ABRAXAS1: variants seen among roughly 807,000 people sequenced by gnomAD.
ABRAXAS1 encodes abraxas 1, BRCA1 A complex subunit, also known as BRCA1-A complex subunit Abraxas 1.
In ABRAXAS1, 26 loss-of-function variants were observed where a neutral mutation model predicts 38.4. The ratio of observed to expected loss-of-function variants is 0.68; its 90% confidence interval spans 0.50 to 0.94. ABRAXAS1 has a LOEUF of 0.94. ABRAXAS1 is among the 40% of genes least tolerant of loss of function. ABRAXAS1 has a pLI of 0.00. For synonymous variants in ABRAXAS1, 144 were observed against 165.5 expected (o/e 0.87, Z 1.00); for missense variants, 438 against 481.9 (o/e 0.91, Z 0.85).
rs534293909 is a variant in ABRAXAS1 at position 83,459,705 on chromosome 4, C to CT, written c.*2763dup. 1.4e-5 allele frequency: 22 copies of CT among 1,566,260 alleles called. No individual in the cohort carries two copies. Among genetic ancestry groups the CT allele is most frequent in the South Asian group, 6.9e-5 (6 of 86,448 alleles). On this transcript the variant is annotated 3_prime_UTR_variant, in exon 9 of 9. Transcript: ENST00000321945. ...CACATTCAGAAATAAATAACAGATACTTTTTTTTCCCCTCCACATAAAACT... is the reference window on the plus strand; with the variant it reads ...CACATTCAGAAATAAATAACAGATACTTTTTTTTTCCCCTCCACATAAAACT...
In ABRAXAS1 at chr4:83,460,950, TAAGA is replaced by T; in HGVS notation, c.*1515_*1518del. 1 of 1,581,346 alleles carries T rather than the reference TAAGA, an allele frequency of 6.3e-7. No individual in the cohort carries two copies. Among genetic ancestry groups the T allele is most frequent in the Non-Finnish European group, 8.6e-7 (1 of 1,168,188 alleles). ...TTTAAATATTGACATTTTTTATGAA[TAAGA>T]AAGCTTTTTATTTTACAGGTCTTTG... is the stretch of plus-strand genomic sequence containing the variant. On this transcript the variant is annotated 3_prime_UTR_variant, in exon 9 of 9. Coordinates refer to ENST00000321945, the MANE Select transcript of ABRAXAS1 (RefSeq NM_139076.3).
In ABRAXAS1 at chr4:83,484,276, G is replaced by A. The variant is rs926887149; in HGVS notation, c.87+710C>T. On this transcript the variant is annotated intron_variant, in intron 1 of 8. Coordinates refer to ENST00000321945, the MANE Select transcript of ABRAXAS1 (RefSeq NM_139076.3). ...ATTCTCCGAACTGTACCACACAGCA[G>A]GGAAGTGTATTTCAGATGCTTAGAC... 1.1e-5 allele frequency: 10 copies of A among 892,548 alleles called. No homozygotes were observed. In the African/African-American group the frequency reaches 1.5e-4, roughly 13 times the overall value. 55.3% of individuals were successfully genotyped at this position (892,548 alleles called of 1,614,324 possible).
chr4:83,475,790 G>T (rs1056329397), intron 3 of ABRAXAS1, among the ~76,000 whole-genome samples: 3 of 152,052 alleles, frequency 2.0e-5, no homozygotes, highest in African/African-American at 7.2e-5. Flanking sequence ...TTTTCTACGT[G>T]TATGTTATAC....
Position 83,461,220 on chromosome 4 carries a change from A to G in ABRAXAS1, c.*1249T>C. On this transcript the variant is annotated 3_prime_UTR_variant, in exon 9 of 9. Coordinates refer to ENST00000321945, the MANE Select transcript of ABRAXAS1 (RefSeq NM_139076.3). ...TAAATTCTATCACGTTACCACTAAT[A>G]AACTTATTTTACAGTAAGTGGTTGT... is the stretch of plus-strand genomic sequence containing the variant. 6.2e-7 allele frequency: 1 copy of G among 1,601,446 alleles called. No individual in the cohort carries two copies. Among genetic ancestry groups the G allele is most frequent in the Non-Finnish European group, 8.5e-7 (1 of 1,170,520 alleles).
intron 1 of ABRAXAS1, among the ~76,000 whole-genome samples, chr4:83,483,651 A>G (rs529027298): frequency 6.6e-6 from 1 of 152,312 alleles, no homozygotes; most frequent in African/African-American, 2.4e-5. Context: ...TACTGGAATC[A>G]CGCGGGGGGA....
intron 3 of ABRAXAS1, among the ~76,000 whole-genome samples, chr4:83,474,971 T>C (rs1346130050): frequency 6.6e-6 from 1 of 152,210 alleles, no homozygotes; most frequent in Non-Finnish European, 1.5e-5. Context: ...AGTTACCCTC[T>C]GAATGAGAGG....
intron 1 of ABRAXAS1, among the ~76,000 whole-genome samples, chr4:83,484,626 G>GA (rs1330487374): frequency 6.6e-6 from 1 of 152,226 alleles, no homozygotes; most frequent in Non-Finnish European, 1.5e-5. Flanking sequence ...GCGAGAAACG[G>GA]AAAGTTTACC....
chr4:83,477,860 G>T, intron 2 of ABRAXAS1: 1 of 752,594 alleles, frequency 1.3e-6, no homozygotes, highest in Non-Finnish European at 2.4e-6. Flanking sequence ...ACGTTTAGAA[G>T]ATGAAACTCT....
At chr4:83,482,686 ACT>A (rs1301398305) in intron 1 of ABRAXAS1, among the ~76,000 whole-genome samples, 2 of 152,156 alleles carry the variant, frequency 1.3e-5, no homozygotes, top group Non-Finnish European at 2.9e-5. Flanking sequence ...ATAGAGTGAG[ACT>A]CTGCCTCAAA....
intron 5 of ABRAXAS1, 83 bp downstream of exon 5, chr4:83,470,120 C>T: frequency 2.9e-6 from 3 of 1,022,738 alleles, no homozygotes; most frequent in Non-Finnish European, 4.2e-6. Flanking sequence ...TATATGAGAA[C>T]ACTTTGTAAG....
intron 1 of ABRAXAS1, 188 bp downstream of exon 1, chr4:83,484,798 G>C: frequency 2.1e-6 from 1 of 469,742 alleles, no homozygotes; most frequent in Non-Finnish European, 3.8e-6. Flanking sequence ...GCTAATGCTG[G>C]AGAAGACTTC....
At chr4:83,475,511 T>G (rs1359874420) in intron 3 of ABRAXAS1, among the ~76,000 whole-genome samples, 1 of 152,116 alleles carries the variant, frequency 6.6e-6, no homozygotes, top group Non-Finnish European at 1.5e-5. Flanking sequence ...TGGCATGACC[T>G]CAGCTCACTT....
Position 83,482,232 on chromosome 4 carries a change from G to A in ABRAXAS1, c.100C>T (p.Leu34Phe). Residue 34 changes from leucine to phenylalanine, a missense_variant, in exon 2 of 9, where the codon CTT becomes TTT. By Grantham distance (22) the Leu-to-Phe change is conservative. Transcript: ENST00000321945. The stretch of plus-strand genomic sequence containing the variant: ...TTGGCTTCACCTTTTACTTCCCCAA[G>A]AAGAAAACCTTCCTATGAAGATAAA... ...NTDSDTEGFL[L>F]GEVKGEAKNS... is the part of the protein sequence containing the mutation. 1 of 1,607,864 alleles carries A rather than the reference G, an allele frequency of 6.2e-7. No homozygotes were observed. The highest frequency in any genetic ancestry group is 1.3e-5 in the African/African-American group (1 of 74,822).
rs1722152233 is a variant in ABRAXAS1 at position 83,462,431 on chromosome 4, C to T, written c.*38G>A. 1.3e-6 allele frequency: 2 copies of T among 1,530,988 alleles called. No homozygotes were observed. Among genetic ancestry groups the T allele is most frequent in the African/African-American group, 2.8e-5 (2 of 72,412 alleles). The allele number at this position is 1,530,988 out of a possible 1,614,324, so 94.8% of individuals were successfully genotyped here. ...AATAGAAATGTTTGGCTTTACCCATCAGCCAAATAAAAAAATCTCCTTGTA... is the reference window on the plus strand; with the variant it reads ...AATAGAAATGTTTGGCTTTACCCATTAGCCAAATAAAAAAATCTCCTTGTA... On this transcript the variant is annotated 3_prime_UTR_variant, in exon 9 of 9. Coordinates refer to ENST00000321945, the MANE Select transcript of ABRAXAS1 (RefSeq NM_139076.3).
intron 7 of ABRAXAS1, among the ~76,000 whole-genome samples, chr4:83,466,426 G>A (rs1166686240): frequency 6.6e-6 from 1 of 152,192 alleles, no homozygotes; most frequent in Non-Finnish European, 1.5e-5. Flanking sequence ...TCTGTAAGAA[G>A]GATTATATAT....
chr4:83,472,608 T>C (rs1722623795), intron 3 of ABRAXAS1, among the ~76,000 whole-genome samples: 1 of 152,190 alleles, frequency 6.6e-6, no homozygotes, highest in African/African-American at 2.4e-5. Flanking sequence ...ACATAACCGG[T>C]TCACAATTCA....
intron 5 of ABRAXAS1, chr4:83,469,880 T>G (rs1722517305): frequency 5.6e-6 from 1 of 177,886 alleles, no homozygotes; most frequent in African/African-American, 2.4e-5. Context: ...ACTGCTGAAG[T>G]ATCTAGGCTT....
chr4:83,483,966 T>C (rs1723086096), intron 1 of ABRAXAS1: 1 of 928,990 alleles, frequency 1.1e-6, no homozygotes, highest in African/African-American at 1.8e-5. Flanking sequence ...TGTAAGGTTA[T>C]CTGAAATTGT....
intron 7 of ABRAXAS1, among the ~76,000 whole-genome samples, chr4:83,466,461 T>C (rs1578125511): frequency 6.6e-6 from 1 of 152,348 alleles, no homozygotes; most frequent in East Asian, 1.9e-4. Context: ...ATGTGATGTG[T>C]TCAGGCCAGT....
Sources: allele counts gnomAD v4.1 joint callset (sites outside exome capture counted in the v4.1 genomes callset), GRCh38; gene constraint gnomAD v4.1.1; transcripts MANE v1.5; gene names NCBI Gene and HGNC (gene_info 2026-07-23, HGNC 2026-07-21).